Variants in MAP3K20 observed in about 807,000 individuals in gnomAD.
MAP3K20 encodes mitogen-activated protein kinase kinase kinase 20, also known as HCCS-4.
In MAP3K20, 40 loss-of-function variants were observed where a neutral mutation model predicts 85.7. The ratio of observed to expected loss-of-function variants is 0.47; its 90% CI spans 0.36 to 0.61. MAP3K20 has a LOEUF of 0.61. MAP3K20 is among the 20% of genes least tolerant of loss of function. MAP3K20 has a pLI of 0.00. For synonymous variants in MAP3K20, 325 were observed against 327.7 expected (o/e 0.99, Z 0.09); for missense variants, 817 against 961.7 (o/e 0.85, Z 1.99).
intron 2 of MAP3K20, among the ~76,000 whole-genome samples, chr2:173,125,321 C>T (rs1161041128): frequency 6.6e-6 from 1 of 152,174 alleles, no homozygotes; most frequent in Non-Finnish European, 1.5e-5. Flanking sequence ...TACTGTATAT[C>T]AGTGAATCCT....
At chr2:173,235,009 T>C (rs1321064505) in intron 14 of MAP3K20, among the ~76,000 whole-genome samples, 1 of 152,096 alleles carries the variant, frequency 6.6e-6, no homozygotes, top group African/African-American at 2.4e-5. Context: ...ATGTCACAGG[T>C]AAGAGGGCTG....
intron 2 of MAP3K20, among the ~76,000 whole-genome samples, chr2:173,106,831 AAT>A (rs1687795316): frequency 6.6e-6 from 1 of 152,198 alleles, no homozygotes; most frequent in Non-Finnish European, 1.5e-5. Flanking sequence ...GGAAGCTGGA[AAT>A]ACAGGAATTG....
intron 2 of MAP3K20, among the ~76,000 whole-genome samples, chr2:173,127,231 CCCATTGGCCCACT>C (rs1483134121): frequency 2.6e-5 from 4 of 152,154 alleles, no homozygotes; most frequent in Non-Finnish European, 5.9e-5. Flanking sequence ...GAAGTTGGTT[CCCATTGGCCCACT>C]CCATTTCCTC....
chr2:173,186,044 A>G (rs1057206151), intron 4 of MAP3K20, among the ~76,000 whole-genome samples: 1 of 152,198 alleles, frequency 6.6e-6, no homozygotes, highest in East Asian at 1.9e-4. Context: ...TGTGATGACT[A>G]TTGTTTATAT....
intron 11 of MAP3K20, among the ~76,000 whole-genome samples, chr2:173,228,186 C>T (rs2106328158): frequency 6.6e-6 from 1 of 152,332 alleles, no homozygotes; most frequent in South Asian, 2.1e-4. Flanking sequence ...TCTATAAATA[C>T]TCAAACCTAA....
chr2:173,266,115 C>T lies in MAP3K20; in HGVS notation c.1768C>T (p.Arg590Cys), dbSNP rs1446105311. The T allele has an allele frequency of 1.2e-6, 2 of 1,610,422 alleles. No homozygotes were observed. Among genetic ancestry groups the T allele is most frequent in the African/African-American group, 1.3e-5 (1 of 75,008 alleles). Reference protein sequence around the residue: ...RQIASNTSLQRSQSNPILGSP... With the variant: ...RQIASNTSLQCSQSNPILGSP... The stretch of plus-strand genomic sequence containing the variant: ...GATTGCATCCAACACTTCTTTACAG[C>T]GTTCCCAGAGCAATCCTATTCTGGG... Residue 590 changes from arginine (R) to cysteine (C), a missense_variant, in exon 20 of 20, where the codon CGT (arginine) becomes TGT (cysteine). This residue lies in a region of MAP3K20 where 454 missense variants were observed against 476.9 expected (regional missense o/e 0.95). Transcript: ENST00000375213.
At chr2:173,079,357 G>T (rs903943569) in intron 1 of MAP3K20, among the ~76,000 whole-genome samples, 2 of 152,254 alleles carry the variant, frequency 1.3e-5, no homozygotes, top group African/African-American at 4.8e-5. Flanking sequence ...GTTGTTTGGG[G>T]CAAGTCAGTG....
At chr2:173,258,382 G>A (rs1055970140) in intron 16 of MAP3K20, among the ~76,000 whole-genome samples, 1 of 152,046 alleles carries the variant, frequency 6.6e-6, no homozygotes, top group Admixed American at 6.5e-5. Context: ...TTAAAAGGTT[G>A]CCACTTAAAG....
intron 16 of MAP3K20, among the ~76,000 whole-genome samples, chr2:173,241,998 G>A (rs1213640709): frequency 2.0e-5 from 3 of 152,050 alleles, no homozygotes; most frequent in African/African-American, 4.8e-5. Flanking sequence ...CCACCCCTAA[G>A]TTCATCTGAT....
rs186125116 is a variant in MAP3K20 at position 173,091,197 on chromosome 2, T to A, written c.159+7T>A. The stretch of plus-strand genomic sequence containing the variant: ...CCTCAAAATAGAGAAAGAGGTAAGG[T>A]CTTTTCCAGCTGACAGAAACAGTCA... On this transcript the variant is annotated splice_region_variant and intron_variant, in intron 2 of 19. Coordinates refer to ENST00000375213, the MANE Select transcript of MAP3K20 (RefSeq NM_016653.3). 2.4e-5 allele frequency: 38 copies of A among 1,607,744 alleles called. 1 individual carries two copies. The highest frequency in any genetic ancestry group is 8.5e-5 in the Admixed American group (5 of 59,018).
At chr2:173,249,069 A>C (rs1225905482) in intron 16 of MAP3K20, among the ~76,000 whole-genome samples, 1 of 152,194 alleles carries the variant, frequency 6.6e-6, no homozygotes, top group Non-Finnish European at 1.5e-5. Flanking sequence ...TAAATCAAAA[A>C]TTGGGATTCA....
In MAP3K20 at chr2:173,254,113, T is replaced by C. The variant is rs73018862; in HGVS notation, c.1360-4586T>C. On this transcript the variant is annotated intron_variant, in intron 16 of 19. Coordinates refer to ENST00000375213, the MANE Select transcript of MAP3K20 (RefSeq NM_016653.3). Reference sequence around the variant, plus strand: ...ATCTTACCCTGGTCAAAGTGAATGGTTTTAAAATCAGAGTCCACTAGGCCA... The same window carrying C: ...ATCTTACCCTGGTCAAAGTGAATGGCTTTAAAATCAGAGTCCACTAGGCCA... 7.6e-3 allele frequency among the ~76,000 whole-genome samples: 1,130 copies of C among 148,024 alleles called. 13 individuals are homozygous for C. Among genetic ancestry groups the C allele is most frequent in the African/African-American group, 0.027 (1,064 of 40,110 alleles).
At chr2:173,242,538 AAAAAT>A (rs1684812615) in intron 16 of MAP3K20, among the ~76,000 whole-genome samples, 1 of 151,994 alleles carries the variant, frequency 6.6e-6, no homozygotes, top group African/African-American at 2.4e-5. Context: ...ATTTTTTAGT[AAAAAT>A]AAGGAGCTAT....
intron 2 of MAP3K20, among the ~76,000 whole-genome samples, chr2:173,138,993 C>T (rs915234498): frequency 2.0e-5 from 3 of 152,172 alleles, no homozygotes; most frequent in African/African-American, 7.2e-5. Flanking sequence ...ATCATACTCA[C>T]CATTCAGAAG....
intron 11 of MAP3K20, chr2:173,223,638 A>G (rs1684310524): frequency 1.0e-6 from 1 of 985,460 alleles, no homozygotes. Flanking sequence ...TTTGAAAACT[A>G]TGAGCCCTGG....
intron 2 of MAP3K20, among the ~76,000 whole-genome samples, chr2:173,103,133 A>G (rs1208283473): frequency 1.3e-5 from 2 of 152,204 alleles, no homozygotes; most frequent in Non-Finnish European, 2.9e-5. Flanking sequence ...TTAAAATATA[A>G]TACAAAGTTT....
chr2:173,198,159 T>C lies in MAP3K20; in HGVS notation c.669+47T>C, dbSNP rs757254514. The C allele has an allele frequency of 4.6e-6, 7 of 1,530,538 alleles. No homozygotes were observed. The highest frequency in any genetic ancestry group is 6.2e-6 in the Non-Finnish European group (7 of 1,122,728). The allele number at this position is 1,530,538 out of a possible 1,614,324, so 94.8% of individuals were successfully genotyped here. On this transcript the variant is annotated intron_variant, in intron 8 of 19. Transcript: ENST00000375213. This position sits in a 1 kb window ranked among gnomAD's most constrained non-coding sequence, Gnocchi z 5.8. ...CAGGTACATAGATCAGAAAACAGTA[T>C]TGGGGTTTTGCAAAAGACTTTTTCA...
chr2:173,117,239 C>G (rs563559957), intron 2 of MAP3K20, among the ~76,000 whole-genome samples: 2 of 152,062 alleles, frequency 1.3e-5, no homozygotes, highest in South Asian at 4.2e-4. Context: ...TGAAGAGTTT[C>G]TTTTTTGAAG....
At chr2:173,179,033 A>G (rs1690248093) in intron 3 of MAP3K20, among the ~76,000 whole-genome samples, 2 of 152,330 alleles carry the variant, frequency 1.3e-5, no homozygotes, top group Admixed American at 6.5e-5. Context: ...AAATCATAGA[A>G]GATAAAAACC....
Sources: gnomAD v4.1 joint callset for allele counts (sites outside exome capture counted in the v4.1 genomes callset) on GRCh38, gnomAD v4.1.1 for gene constraint, gnomAD v4.1.1 regional missense constraint, Gnocchi (gnomAD v3.1) non-coding constraint, MANE v1.5 for transcripts, NCBI Gene and HGNC (gene_info 2026-07-23, HGNC 2026-07-21) for gene names.